Variants in OCA2 observed in about 807,000 individuals in gnomAD.
The protein encoded by OCA2 is OCA2 melanosomal transmembrane protein.
A neutral mutation model predicts 100.2 loss-of-function variants in OCA2; 77 were observed. That is an observed-to-expected ratio of 0.77 (90% CI 0.64 to 0.93). The LOEUF (loss-of-function observed/expected upper bound fraction) is 0.93, where lower values mean the gene tolerates loss of function less well. OCA2 is among the 40% of genes least tolerant of loss of function. The probability of loss-of-function intolerance (pLI) is 0.00; values close to 1 mark genes in which losing one functional copy is unlikely to be tolerated. For synonymous variants in OCA2, 432 were observed against 439.2 expected (o/e 0.98, Z 0.21); for missense variants, 1,062 against 1,089.1 (o/e 0.98, Z 0.35).
At position 27,871,243 on chromosome 15, in the gene OCA2, G is replaced by T. The variant is rs1205432942; in HGVS notation, c.2155C>A (p.Gln719Lys). The change falls in exon 21 of 24, where the codon CAG becomes AAG. Residue 719 changes from glutamine (Q) to lysine (K), a missense_variant. Gln to Lys is a moderately conservative substitution (Grantham distance 53, BLOSUM62 1). Transcript: ENST00000354638. ...AGGACAATGGCGGCTATGAGGCGCT[G>T]CTCCTCTGGGACCATCTGGAAGGAG... ...ALLIKMVPEE[Q>K]RLIAAIVLVV... 6.2e-7 allele frequency: 1 copy of T among 1,613,980 alleles called. No individual in the cohort carries two copies. Among genetic ancestry groups the T allele is most frequent in the South Asian group, 1.1e-5 (1 of 91,078 alleles).
intron 9 of OCA2, among the ~76,000 whole-genome samples, chr15:28,005,378 T>C (rs2042060997): frequency 6.6e-6 from 1 of 152,154 alleles, no homozygotes; most frequent in Admixed American, 6.5e-5. Context: ...AGAGACCTTC[T>C]GTATGAGTTT....
intron 19 of OCA2, among the ~76,000 whole-genome samples, chr15:27,902,213 G>T (rs3099645): frequency 0.013 from 772 of 57,940 alleles, 14 homozygotes; most frequent in African/African-American, 0.11. Context: ...AGTTGTTGTT[G>T]TTGTTGTTTT....
intron 18 of OCA2, among the ~76,000 whole-genome samples, chr15:27,941,879 C>T (rs1275024992): frequency 6.6e-6 from 1 of 152,158 alleles, no homozygotes; most frequent in Non-Finnish European, 1.5e-5. Context: ...AAGAGCATTT[C>T]ATAAATGGCC....
intron 23 of OCA2, among the ~76,000 whole-genome samples, chr15:27,770,216 G>A (rs1308252426): frequency 6.6e-6 from 1 of 152,238 alleles, no homozygotes; most frequent in Non-Finnish European, 1.5e-5. Flanking sequence ...CCAGGCGGGC[G>A]GAGGGAAGGG....
At chr15:27,840,821 GA>G (rs949748041) in intron 23 of OCA2, among the ~76,000 whole-genome samples, 2 of 152,068 alleles carry the variant, frequency 1.3e-5, no homozygotes, top group Non-Finnish European at 1.5e-5. Flanking sequence ...AAACCTGGGA[GA>G]AAAAAAGGGC....
intron 11 of OCA2, among the ~76,000 whole-genome samples, chr15:27,988,547 G>A (rs2041436832): frequency 6.6e-6 from 1 of 152,104 alleles, no homozygotes; most frequent in African/African-American, 2.4e-5. Flanking sequence ...AGCCCAGGAG[G>A]GAGGCTCAGG....
intron 1 of OCA2, among the ~76,000 whole-genome samples, chr15:28,097,842 A>AGG (rs1372861055): frequency 6.6e-6 from 1 of 152,190 alleles, no homozygotes; most frequent in Non-Finnish European, 1.5e-5. Context: ...CTCAGTGGGA[A>AGG]GGCCTTGGCA....
intron 1 of OCA2, among the ~76,000 whole-genome samples, chr15:28,085,034 G>A (rs1355651415): frequency 6.6e-6 from 1 of 152,212 alleles, no homozygotes; most frequent in Non-Finnish European, 1.5e-5. Flanking sequence ...GTGAACACCA[G>A]GAGGTGGGGA....
At position 28,081,881 on chromosome 15, in the gene OCA2, C is replaced by G. The variant is rs1210337323; in HGVS notation, c.-7G>C. 6.2e-7 allele frequency: 1 copy of G among 1,608,476 alleles called. No homozygotes were observed. The highest frequency in any genetic ancestry group is 1.3e-5 in the African/African-American group (1 of 74,862). On this transcript the variant is annotated 5_prime_UTR_variant, in exon 2 of 24. Transcript: ENST00000354638. Reference sequence around the variant, plus strand: ...CTCTGCCCTCCAGATGCATGCTCCACTGCCAGTCTTCTCTCTAGGGCAGCC... The same window carrying G: ...CTCTGCCCTCCAGATGCATGCTCCAGTGCCAGTCTTCTCTCTAGGGCAGCC...
chr15:27,946,775 G>A (rs547682828), intron 18 of OCA2, among the ~76,000 whole-genome samples: 1 of 152,214 alleles, frequency 6.6e-6, no homozygotes, highest in South Asian at 2.1e-4. Context: ...TCCCAAGGCA[G>A]GTCATTGAAA....
chr15:28,047,493 G>A lies in OCA2; in HGVS notation c.228-15330C>T, dbSNP rs934765588. Among the ~76,000 whole-genome samples, 5 of 152,264 alleles carry A rather than the reference G, an allele frequency of 3.3e-5. No individual in the cohort carries two copies. In the South Asian group the frequency reaches 6.2e-4, roughly 19 times the overall value. On this transcript the variant is annotated intron_variant, in intron 2 of 23. Coordinates refer to ENST00000354638, the MANE Select transcript of OCA2 (RefSeq NM_000275.3). The stretch of plus-strand genomic sequence containing the variant: ...ATATAGATGGACTCCAGGGAAACAC[G>A]TGGTCTAGGCTTCTTCCCCCACTTG...
At chr15:27,913,364 GA>G (rs33934151) in intron 19 of OCA2, among the ~76,000 whole-genome samples, 97,495 of 149,158 alleles carry the variant, frequency 0.65, 32,065 homozygotes, top group East Asian at 0.96. Flanking sequence ...CCTTGTTTTT[GA>G]AAAAAAAAAG....
intron 2 of OCA2, among the ~76,000 whole-genome samples, chr15:28,037,234 T>A (rs2043071520): frequency 6.7e-6 from 1 of 150,292 alleles, no homozygotes; most frequent in South Asian, 2.1e-4. Context: ...AGACTGGGAG[T>A]GGGACCAAAA....
chr15:27,994,224 T>G (rs185244364), intron 9 of OCA2, among the ~76,000 whole-genome samples: 3 of 152,150 alleles, frequency 2.0e-5, no homozygotes, highest in South Asian at 2.1e-4. Flanking sequence ...AGCGTGAACC[T>G]TACTGTGAAC....
chr15:27,989,571 G>A (rs1439995458), intron 11 of OCA2, 30 bp downstream of exon 11: 1 of 1,596,932 alleles, frequency 6.3e-7, no homozygotes. Flanking sequence ...CAGGCGTGGA[G>A]CCCAGTCCCA....
chr15:28,008,730 G>A (rs542462261), intron 9 of OCA2, among the ~76,000 whole-genome samples: 152 of 152,208 alleles, frequency 1.0e-3, no homozygotes, highest in African/African-American at 3.3e-3. Context: ...ATTTCTTTTC[G>A]GCACCAAAAA....
intron 21 of OCA2, among the ~76,000 whole-genome samples, chr15:27,867,829 T>C (rs913833369): frequency 2.0e-5 from 3 of 152,228 alleles, no homozygotes; most frequent in African/African-American, 7.2e-5. Flanking sequence ...CTGAGAAAAT[T>C]TGAACATTTC....
At chr15:27,798,782 A>C (rs1325833995) in intron 23 of OCA2, among the ~76,000 whole-genome samples, 1 of 152,240 alleles carries the variant, frequency 6.6e-6, no homozygotes, top group African/African-American at 2.4e-5. Context: ...CACGCAAGGT[A>C]ACTACATTTT....
At chr15:27,867,961 G>C (rs1291228557) in intron 21 of OCA2, among the ~76,000 whole-genome samples, 1 of 152,172 alleles carries the variant, frequency 6.6e-6, no homozygotes, top group East Asian at 1.9e-4. Flanking sequence ...CCTCTCCTCA[G>C]GGAGCTGCCT....
Sources: allele counts gnomAD v4.1 joint callset (sites outside exome capture counted in the v4.1 genomes callset), GRCh38; gene constraint gnomAD v4.1.1; transcripts MANE v1.5; gene names NCBI Gene and HGNC (gene_info 2026-07-23, HGNC 2026-07-21).